APC: variants seen among roughly 807,000 people sequenced by gnomAD.
APC encodes adenomatous polyposis coli protein.
Under a neutral mutation model 247.0 loss-of-function variants are expected in APC, and 72 were observed. The observed-to-expected ratio is 0.29, with a 90% confidence interval of 0.24 to 0.35. The LOEUF (loss-of-function observed/expected upper bound fraction) is 0.35, where lower values mean the gene tolerates loss of function less well. Ranked by LOEUF, APC falls within the 10% of genes least tolerant of loss-of-function variation. The pLI is 1.00. For missense variants in APC, 3,400 were observed against 3,360.7 expected (o/e 1.01, Z -0.29); for synonymous variants, 1,254 against 1,162.5 (o/e 1.08, Z -1.60).
intron 1 of APC, among the ~76,000 whole-genome samples, chr5:112,748,107 C>G (rs1753888084): frequency 6.6e-6 from 1 of 152,144 alleles, no homozygotes; most frequent in Non-Finnish European, 1.5e-5. Context: ...TTGCCAACCC[C>G]CGCTCCTGGT....
rs864622117 is a variant in APC, at chr5:112,839,200, T to C, written c.3606T>C (p.Ser1202=). 9.3e-6 allele frequency: 15 copies of C among 1,614,080 alleles called. No homozygotes were observed. Among genetic ancestry groups the C allele is most frequent in the Non-Finnish European group, 1.3e-5 (15 of 1,180,052 alleles). Residue 1202 remains serine (S), a synonymous_variant, in exon 16 of 16, where the codon TCT becomes TCC. Coordinates refer to ENST00000257430, the MANE Select transcript of APC (RefSeq NM_000038.6). The surrounding 1 kb of genome is among the most constrained non-coding windows in gnomAD (Gnocchi z 5.0). ...KQSFSFSKSS[S]GQSSKTEHMS... is the part of the protein sequence containing the mutation. ...CATTTTCATTCTCAAAGAGTTCATC[T>C]GGACAAAGCAGTAAAACCGAACATA...
At chr5:112,784,320 G>C (rs1429637734) in intron 6 of APC, among the ~76,000 whole-genome samples, 1 of 152,158 alleles carries the variant, frequency 6.6e-6, no homozygotes, top group Non-Finnish European at 1.5e-5. Context: ...TGCCTGCCTT[G>C]ACCTCCCAAA....
rs1388722406 is a variant in APC, at chr5:112,842,963, G to A, written c.7369G>A (p.Glu2457Lys). ...APSPTLRRKL[E>K]ESASFESLSP... The stretch of plus-strand genomic sequence containing the variant: ...AAGCCCAACCTTAAGAAGAAAATTG[G>A]AGGAATCTGCTTCATTTGAATCTCT... Residue 2457 changes from glutamate (E) to lysine (K), a missense_variant, in exon 16 of 16, where the codon GAG (glutamate) becomes AAG (lysine). By Grantham distance (56) the Glu-to-Lys change is moderately conservative (BLOSUM62 1). This residue lies in a region of APC where 1,788 missense variants were observed against 1,649.5 expected (regional missense o/e 1.08). Coordinates refer to ENST00000257430, the MANE Select transcript of APC (RefSeq NM_000038.6). 2 of 1,614,014 alleles carry A rather than the reference G, an allele frequency of 1.2e-6. No individual in the cohort carries two copies. The highest frequency in any genetic ancestry group is 1.7e-6 in the Non-Finnish European group (2 of 1,179,924).
chr5:112,783,956 C>T (rs779631718), intron 6 of APC, among the ~76,000 whole-genome samples: 12 of 151,706 alleles, frequency 7.9e-5, no homozygotes, highest in Non-Finnish European at 1.2e-4. Flanking sequence ...AAGTAAGGTA[C>T]TATTTTTTTT....
Position 112,725,222 on chromosome 5 carries a change from C to T in APC, c.165+17340C>T, listed in dbSNP as rs538340719. 1.4e-4 allele frequency among the ~76,000 whole-genome samples: 21 copies of T among 152,228 alleles called. No individual in the cohort carries two copies. The South Asian group carries it at 2.5e-3, about 18-fold the overall frequency. ...TACTGACCTCAGGTGGTCCACCTGC[C>T]TTGGTCCCCAAAAGTGCTAGGATTA... On this transcript the variant is annotated intron_variant, in intron 1 of 13. Transcript: ENST00000507379.
At position 112,766,354 on chromosome 5, in the gene APC, TTGAAGA is replaced by T. The variant is rs1167769425; in HGVS notation, c.170_175del (p.Asp57_Glu58del). On this transcript the variant is annotated inframe_deletion, in exon 3 of 16. Transcript: ENST00000257430. Reference sequence around the variant, plus strand: ...GTACTTAAACAACTACAAGGAAGTATTGAAGATGAAGCTATGGCTTCTTCTGGACAG... The same window carrying T: ...GTACTTAAACAACTACAAGGAAGTATTGAAGCTATGGCTTCTTCTGGACAG... 1.2e-6 allele frequency: 2 copies of T among 1,611,102 alleles called. No individual in the cohort carries two copies. The highest frequency in any genetic ancestry group is 1.3e-5 in the African/African-American group (1 of 74,854).
Position 112,843,360 on chromosome 5 carries a change from A to G in APC, c.7766A>G (p.Glu2589Gly), listed in dbSNP as rs200406572. The change falls in exon 16 of 16, where the codon GAA becomes GGA. Residue 2589 changes from glutamate (E) to glycine (G), a missense_variant. Physicochemically the swap from Glu to Gly is moderately conservative, Grantham distance 98 (BLOSUM62 -2). Around this residue, in one of 9 missense-constraint regions of APC, gnomAD observed 1,788 missense variants for 1,649.5 expected, o/e 1.08. Transcript: ENST00000257430. The surrounding 1 kb of genome is among the most constrained non-coding windows in gnomAD (Gnocchi z 4.8). ...AGTGAAAAAGCAAAAAGTGAGGATGAAAAACATGTGAACTCTATTTCAGGA... is the reference window on the plus strand; with the variant it reads ...AGTGAAAAAGCAAAAAGTGAGGATGGAAAACATGTGAACTCTATTTCAGGA... ...ESSEKAKSED[E>G]KHVNSISGTK... 5.6e-6 allele frequency: 9 copies of G among 1,613,880 alleles called. No individual in the cohort carries two copies. The highest frequency in any genetic ancestry group is 1.3e-5 in the African/African-American group (1 of 74,920).
chr5:112,775,600 C>A (rs925761509), intron 4 of APC, 29 bp from the exon 5 acceptor site: 1 of 1,374,092 alleles, frequency 7.3e-7, no homozygotes, highest in Non-Finnish European at 1.0e-6. Context: ...ATTGTTTAAA[C>A]GTACCTTTTT....
chr5:112,727,053 A>G (rs986167807), intron 1 of APC, among the ~76,000 whole-genome samples: 4 of 152,022 alleles, frequency 2.6e-5, no homozygotes, highest in African/African-American at 7.2e-5. Flanking sequence ...TGGTGCAAAA[A>G]TAATTGCGGT....
chr5:112,766,185 A>T, intron 2 of APC, 141 bp from the exon 3 acceptor site: 3 of 597,526 alleles, frequency 5.0e-6, no homozygotes, highest in Non-Finnish European at 6.0e-6. Flanking sequence ...TTAATAATGA[A>T]TAATAGGTAA....
Position 112,839,908 on chromosome 5 carries a change from ACCT to A in APC, c.4317_4319del (p.Pro1443del), listed in dbSNP as rs974965017. ...CCATGCCACCAAGCAGAAGTAAAACACCTCCACCACCTCCTCAAACAGCTCAAA... is the reference window on the plus strand; with the variant it reads ...CCATGCCACCAAGCAGAAGTAAAACACCACCACCTCCTCAAACAGCTCAAA... On this transcript the variant is annotated inframe_deletion, in exon 16 of 16. Transcript: ENST00000257430. The surrounding 1 kb of genome is among the most constrained non-coding windows in gnomAD (Gnocchi z 5.0). 2 of 1,613,884 alleles carry A rather than the reference ACCT, an allele frequency of 1.2e-6. No individual in the cohort carries two copies. Among genetic ancestry groups the A allele is most frequent in the Admixed American group, 1.7e-5 (1 of 59,982 alleles).
intron 4 of APC, among the ~76,000 whole-genome samples, chr5:112,768,772 C>T (rs1392825602): frequency 2.6e-5 from 4 of 151,664 alleles, no homozygotes; most frequent in South Asian, 2.1e-4. Context: ...TGTACAGTAG[C>T]GTAGAACACA....
At position 112,751,881 on chromosome 5, in the gene APC, T is replaced by C. The variant is rs543611013; in HGVS notation, c.-18-2992T>C. ...AGTATGCTGTTGGCCTTGGGGTTGATAGATCATGTTAAAGAAATGTTCTTT... is the reference window on the plus strand; with the variant it reads ...AGTATGCTGTTGGCCTTGGGGTTGACAGATCATGTTAAAGAAATGTTCTTT... On this transcript the variant is annotated intron_variant, in intron 1 of 15. Coordinates refer to ENST00000257430, the MANE Select transcript of APC (RefSeq NM_000038.6). Among the ~76,000 whole-genome samples, 43 of 152,174 alleles carry C rather than the reference T, an allele frequency of 2.8e-4. No individual in the cohort carries two copies. In the South Asian group the frequency reaches 8.9e-3, roughly 32 times the overall value.
chr5:112,816,069 A>C (rs575361949), intron 9 of APC, among the ~76,000 whole-genome samples: 2 of 152,204 alleles, frequency 1.3e-5, no homozygotes, highest in African/African-American at 4.8e-5. Context: ...GTTCCAGCCA[A>C]ACTGGCTCAC....
intron 8 of APC, among the ~76,000 whole-genome samples, 169 bp downstream of exon 8, chr5:112,801,552 A>T (rs1256795630): frequency 2.0e-5 from 3 of 152,154 alleles, no homozygotes; most frequent in Non-Finnish European, 4.4e-5. Context: ...TTATTATATC[A>T]GCAATAATGC....
intron 6 of APC, 66 bp downstream of exon 6, chr5:112,780,969 C>T: frequency 2.9e-6 from 3 of 1,049,532 alleles, no homozygotes; most frequent in East Asian, 2.6e-5. Context: ...AATTACAGCT[C>T]TGTTAATATT....
rs774847203 is a variant in APC, at chr5:112,840,425, C to G, written c.4831C>G (p.Gln1611Glu). Residue 1611 changes from glutamine (Q) to glutamate (E), a missense_variant, in exon 16 of 16, where the codon CAG (glutamine) becomes GAG (glutamate). Coordinates refer to ENST00000257430, the MANE Select transcript of APC (RefSeq NM_000038.6). This position sits in a 1 kb window ranked among gnomAD's most constrained non-coding sequence, Gnocchi z 4.1. ...TCCACCTGTGGCAAGGAAACCAAGTCAGCTGCCTGTGTACAAACTTCTACC... is the reference window on the plus strand; with the variant it reads ...TCCACCTGTGGCAAGGAAACCAAGTGAGCTGCCTGTGTACAAACTTCTACC... ...LPPPVARKPS[Q>E]LPVYKLLPSQ... 1.2e-6 allele frequency: 2 copies of G among 1,614,220 alleles called. No homozygotes were observed. The highest frequency in any genetic ancestry group is 8.5e-7 in the Non-Finnish European group (1 of 1,180,032).
chr5:112,779,521 A>G (rs1758092550), intron 5 of APC, among the ~76,000 whole-genome samples: 1 of 152,194 alleles, frequency 6.6e-6, no homozygotes, highest in Non-Finnish European at 1.5e-5. Flanking sequence ...CTTGTATTTT[A>G]TAAGTATTTT....
At chr5:112,832,283 A>C (rs1162889544) in intron 14 of APC, among the ~76,000 whole-genome samples, 1 of 151,906 alleles carries the variant, frequency 6.6e-6, no homozygotes, top group Non-Finnish European at 1.5e-5. Context: ...CAGTCCTTTA[A>C]ATTCTTGCTT....
Sources: allele counts gnomAD v4.1 joint callset (sites outside exome capture counted in the v4.1 genomes callset), GRCh38; gene constraint gnomAD v4.1.1; regional missense constraint gnomAD v4.1.1; non-coding constraint Gnocchi (gnomAD v3.1); transcripts MANE v1.5; gene names NCBI Gene and HGNC (gene_info 2026-07-23, HGNC 2026-07-21).